Variants in ITGAM observed in about 807,000 individuals in gnomAD.
ITGAM encodes integrin subunit alpha M, also known as integrin alpha-M.
A neutral mutation model predicts 137.5 loss-of-function variants in ITGAM; 79 were observed. That is an observed-to-expected ratio of 0.57 (90% confidence interval 0.48 to 0.69). ITGAM has a LOEUF of 0.69. Among genes scored for constraint, ITGAM ranks in the 30% least tolerant of loss-of-function variants. ITGAM has a pLI of 0.00. For synonymous variants in ITGAM, 583 were observed against 592.3 expected, an observed-to-expected ratio of 0.98 and a Z score of 0.23; for missense variants, 1,343 against 1,483.5, an observed-to-expected ratio of 0.91 and a Z score of 1.56.
In ITGAM at chr16:31,321,633, G is replaced by T. The variant is rs2080452110; in HGVS notation, c.2002+6G>T. On this transcript the variant is annotated splice_donor_region_variant and intron_variant, in intron 16 of 29. Coordinates refer to ENST00000544665, the MANE Select transcript of ITGAM (RefSeq NM_000632.4). ...ACGGGATCGGCTAAGAGAAGGTGAGGCTTGGTGGATGAGTCTCAAGAGGTT... is the reference window on the plus strand; with the variant it reads ...ACGGGATCGGCTAAGAGAAGGTGAGTCTTGGTGGATGAGTCTCAAGAGGTT... 3 of 1,612,886 alleles carry T rather than the reference G, an allele frequency of 1.9e-6. No homozygotes were observed. Among genetic ancestry groups the T allele is most frequent in the Non-Finnish European group, 2.5e-6 (3 of 1,179,360 alleles).
rs1363549823 is a variant in ITGAM, at chr16:31,272,096, T to G, written c.704+104T>G. ...TCAGACAGGGGTGGTAGAGGATGCT[T>G]CCCCACCGGCAGAGGTGGGGAGGCT... On this transcript the variant is annotated intron_variant, in intron 7 of 29. Transcript: ENST00000544665. The G allele has an allele frequency of 3.6e-6, 5 of 1,369,984 alleles. No individual in the cohort carries two copies. The Middle Eastern group carries it at 7.3e-4, about 201-fold the overall frequency. 84.9% of individuals were successfully genotyped at this position (1,369,984 alleles called of 1,614,324 possible).
intron 2 of ITGAM, 108 bp downstream of exon 2, chr16:31,261,905 C>G: frequency 1.6e-6 from 1 of 636,358 alleles, no homozygotes. Flanking sequence ...TAAATCAATT[C>G]AAAATATACA....
rs1297654305 is a variant in ITGAM at position 31,330,111 on chromosome 16, C to T, written c.3007C>T (p.Arg1003Cys). The change falls in exon 26 of 30, where the codon CGC (arginine) becomes TGC (cysteine). Residue 1003 changes from arginine (R) to cysteine (C), a missense_variant. By Grantham distance (180) the Arg-to-Cys change is radical. Transcript: ENST00000544665. Reference sequence around the variant, plus strand: ...CTCGAGTACGTGCCACACCAAGGAGCGCTTGCCCTCTCACTCCGACTTTCT... The same window carrying T: ...CTCGAGTACGTGCCACACCAAGGAGTGCTTGCCCTCTCACTCCGACTTTCT... ...NLSSTCHTKE[R>C]LPSHSDFLAE... 1 of 1,613,826 alleles carries T rather than the reference C, an allele frequency of 6.2e-7. No individual in the cohort carries two copies. Among genetic ancestry groups the T allele is most frequent in the Non-Finnish European group, 8.5e-7 (1 of 1,179,816 alleles).
chr16:31,280,642 G>A (rs1163295505), intron 12 of ITGAM, among the ~76,000 whole-genome samples: 3 of 152,200 alleles, frequency 2.0e-5, no homozygotes, highest in Non-Finnish European at 2.9e-5. Flanking sequence ...TTTGGGTTGA[G>A]ACAATGGGGT....
intron 14 of ITGAM, among the ~76,000 whole-genome samples, chr16:31,302,118 C>T (rs566687662): frequency 6.6e-6 from 1 of 152,236 alleles, no homozygotes; most frequent in Admixed American, 6.5e-5. Flanking sequence ...TCTTTTCTAA[C>T]AGAGGAATAT....
chr16:31,321,627 G>A lies in ITGAM; in HGVS notation c.2002G>A (p.Gly668Arg). The change falls in exon 16 of 30, where the codon GGA becomes AGA. Residue 668 changes from glycine (G) to arginine (R), a missense_variant and splice_region_variant. Transcript: ENST00000544665. ...GAGCACACGGGATCGGCTAAGAGAA[G>A]GTGAGGCTTGGTGGATGAGTCTCAA... ...QKSTRDRLRE[G>R]QIQSVVTYDL... 2 of 1,613,078 alleles carry A rather than the reference G, an allele frequency of 1.2e-6. No individual in the cohort carries two copies. Among genetic ancestry groups the A allele is most frequent in the South Asian group, 1.1e-5 (1 of 91,004 alleles).
intron 28 of ITGAM, 84 bp downstream of exon 28, chr16:31,330,689 AAG>A (rs2080569438): frequency 1.1e-6 from 1 of 945,126 alleles, no homozygotes; most frequent in Non-Finnish European, 1.6e-6. Context: ...GAGAGACACA[AAG>A]AGAGAGGGAG....
intron 12 of ITGAM, among the ~76,000 whole-genome samples, chr16:31,289,596 G>A (rs2080065068): frequency 1.3e-5 from 2 of 152,130 alleles, no homozygotes; most frequent in African/African-American, 4.8e-5. Flanking sequence ...TCACACACCA[G>A]GGCCTGTTGT....
At chr16:31,301,938 G>A (rs1235874363) in intron 14 of ITGAM, among the ~76,000 whole-genome samples, 1 of 152,004 alleles carries the variant, frequency 6.6e-6, no homozygotes, top group African/African-American at 2.4e-5. Context: ...ACTACGATCT[G>A]TAATGATAAA....
chr16:31,315,236 C>A (rs1057322935), intron 14 of ITGAM, among the ~76,000 whole-genome samples: 2 of 152,056 alleles, frequency 1.3e-5, no homozygotes, highest in African/African-American at 4.8e-5. Context: ...TGTAGGTTGT[C>A]TCTTCACTCT....
At chr16:31,283,294 G>C (rs1035272807) in intron 12 of ITGAM, among the ~76,000 whole-genome samples, 1 of 152,174 alleles carries the variant, frequency 6.6e-6, no homozygotes, top group African/African-American at 2.4e-5. Context: ...AGTTCTCCTG[G>C]ATAATACCCT....
rs2079911868 is a variant in ITGAM at position 31,276,821 on chromosome 16, G to T, written c.1083+77G>T. ...AGATAGGAGAGATGTGGGGGTTTGG[G>T]GACTCTTCTCTGTGATAGATACTTG... On this transcript the variant is annotated intron_variant, in intron 10 of 29. Coordinates refer to ENST00000544665, the MANE Select transcript of ITGAM (RefSeq NM_000632.4). 2.5e-6 allele frequency: 4 copies of T among 1,573,138 alleles called. No individual in the cohort carries two copies. The East Asian group carries it at 9.1e-5, about 36-fold the overall frequency.
intron 5 of ITGAM, among the ~76,000 whole-genome samples, chr16:31,270,456 A>G (rs2079820328): frequency 6.6e-6 from 1 of 151,094 alleles, no homozygotes; most frequent in South Asian, 2.1e-4. Context: ...ACATTCCCTG[A>G]TTCCCTTGGG....
intron 14 of ITGAM, among the ~76,000 whole-genome samples, chr16:31,302,202 G>A (rs1406842693): frequency 6.6e-6 from 1 of 152,094 alleles, no homozygotes; most frequent in Non-Finnish European, 1.5e-5. Context: ...AGTGTAGAAA[G>A]GAAAAGGCTC....
intron 14 of ITGAM, among the ~76,000 whole-genome samples, chr16:31,313,507 C>T (rs926279617): frequency 2.6e-5 from 4 of 152,106 alleles, no homozygotes; most frequent in African/African-American, 7.2e-5. Context: ...TGTTAGTTTG[C>T]TGAGAATGAT....
intron 23 of ITGAM, 165 bp from the exon 24 acceptor site, chr16:31,329,063 A>G: frequency 1.7e-6 from 1 of 572,724 alleles, no homozygotes; most frequent in South Asian, 1.6e-5. Context: ...TGTGTCCAGC[A>G]CACATTGGTT....
chr16:31,318,464 C>T (rs75553955), intron 14 of ITGAM, among the ~76,000 whole-genome samples: 3,534 of 151,716 alleles, frequency 0.023, 155 homozygotes, highest in African/African-American at 0.081. Flanking sequence ...CTGCCTCAGG[C>T]TCCTGAGTAG....
Position 31,270,651 on chromosome 16 carries a change from C to A in ITGAM, c.428-303C>A, listed in dbSNP as rs1443129953. Among the ~76,000 whole-genome samples, 3 of 133,666 alleles carry A rather than the reference C, an allele frequency of 2.2e-5. No homozygotes were observed. The East Asian group carries it at 6.7e-4, about 30-fold the overall frequency. The allele number at this position is 133,666 out of a possible 152,430, so 87.7% of individuals were successfully genotyped here. A position where few individuals can be genotyped will look rare whatever the true frequency, so the allele number is the denominator to read the frequency against. ...CCCTCAGCCTCCTGAGTAGCTGGGA[C>A]TACAGGCATGTGCCAACATGCCTGA... On this transcript the variant is annotated intron_variant, in intron 5 of 29. Transcript: ENST00000544665.
In ITGAM at chr16:31,321,361, C is replaced by T. The variant is rs1251658199; in HGVS notation, c.1828C>T (p.Leu610=). The change falls in exon 15 of 30, where the codon CTG becomes TTG. Residue 610 remains leucine, a synonymous_variant. Transcript: ENST00000544665. ...DLTVGAQGHV[L]LLRSQPVLRV... ...GACTGTAGGAGCCCAGGGGCACGTG[C>T]TGCTGCTCAGGTGAGAATGCCTTTT... The T allele has an allele frequency of 5.0e-6, 8 of 1,614,004 alleles. No homozygotes were observed. The Admixed American group carries it at 1.2e-4, about 24-fold the overall frequency.
Sources: allele counts gnomAD v4.1 joint callset (sites outside exome capture counted in the v4.1 genomes callset), GRCh38; gene constraint gnomAD v4.1.1; transcripts MANE v1.5; gene names NCBI Gene and HGNC (gene_info 2026-07-23, HGNC 2026-07-21).